DPP6: variants seen among roughly 807,000 people sequenced by gnomAD.
DPP6 encodes the protein A-type potassium channel modulatory protein DPP6.
DPP6 carries 69 observed loss-of-function variants against 122.6 expected under a neutral mutation model. The observed-to-expected ratio is 0.56, with a 90% confidence interval of 0.46 to 0.69. The LOEUF is 0.69. DPP6 is among the 30% of genes least tolerant of loss of function. The probability of loss-of-function intolerance (pLI) is 0.00; values close to 1 mark genes in which losing one functional copy is unlikely to be tolerated. For synonymous variants in DPP6, 418 were observed against 433.1 expected, an observed-to-expected ratio of 0.97 and a Z score of 0.43; for missense variants, 928 against 1,116.9, an observed-to-expected ratio of 0.83 and a Z score of 2.41.
intron 1 of DPP6, among the ~76,000 whole-genome samples, chr7:154,054,310 G>C (rs1800640534): frequency 6.6e-6 from 1 of 152,148 alleles, no homozygotes; most frequent in South Asian, 2.1e-4. Context: ...GTTGTGTTTG[G>C]GTCGAGGGAG....
intron 8 of DPP6, among the ~76,000 whole-genome samples, chr7:154,737,692 A>G (rs1024572235): frequency 9.2e-5 from 14 of 152,236 alleles, no homozygotes; most frequent in African/African-American, 2.4e-4. Context: ...AGTTGCATTA[A>G]TTTCTTGCCT....
chr7:154,066,311 T>G (rs564700685), intron 1 of DPP6, among the ~76,000 whole-genome samples: 16 of 152,294 alleles, frequency 1.1e-4, no homozygotes, highest in Middle Eastern at 3.4e-3. Flanking sequence ...CTGCCTGCCT[T>G]GGCCTCCCAA....
intron 1 of DPP6, among the ~76,000 whole-genome samples, chr7:154,258,068 T>C (rs73489328): frequency 0.15 from 22,256 of 151,056 alleles, 3,134 homozygotes; most frequent in African/African-American, 0.38. Context: ...AAATTACATA[T>C]ATTGTGGGGC....
intron 1 of DPP6, among the ~76,000 whole-genome samples, chr7:154,062,901 T>C (rs1168906332): frequency 7.7e-6 from 1 of 130,644 alleles, no homozygotes; most frequent in African/African-American, 2.8e-5. Flanking sequence ...CTAAGATCCT[T>C]AGGACCCACC....
chr7:154,082,172 T>C (rs1360504501), intron 1 of DPP6, among the ~76,000 whole-genome samples: 1 of 152,110 alleles, frequency 6.6e-6, no homozygotes, highest in Non-Finnish European at 1.5e-5. Flanking sequence ...TCACATAGCA[T>C]TTGGCCCTCG....
intron 2 of DPP6, among the ~76,000 whole-genome samples, chr7:154,474,565 T>A (rs1004870696): frequency 6.6e-6 from 1 of 152,246 alleles, no homozygotes; most frequent in Non-Finnish European, 1.5e-5. Flanking sequence ...TGCTTCATGA[T>A]TGACCAATTA....
At chr7:154,163,939 G>T (rs1453240712) in intron 1 of DPP6, among the ~76,000 whole-genome samples, 3 of 152,044 alleles carry the variant, frequency 2.0e-5, no homozygotes, top group Non-Finnish European at 4.4e-5. Flanking sequence ...GCTCAGGCCC[G>T]CTCTCTACTG....
At chr7:154,869,094 C>T (rs901636865) in intron 18 of DPP6, among the ~76,000 whole-genome samples, 5 of 152,140 alleles carry the variant, frequency 3.3e-5, no homozygotes, top group East Asian at 3.9e-4. Context: ...CGGCGGAAAG[C>T]GTGTTGAGGC....
chr7:154,346,375 C>T (rs1379802114), intron 1 of DPP6, among the ~76,000 whole-genome samples: 2 of 152,072 alleles, frequency 1.3e-5, no homozygotes, highest in South Asian at 2.1e-4. Flanking sequence ...GGCGCAATCT[C>T]GGCTCACTGC....
At chr7:153,988,185 C>G (rs753679654) in intron 1 of DPP6, among the ~76,000 whole-genome samples, 4 of 152,082 alleles carry the variant, frequency 2.6e-5, no homozygotes, top group African/African-American at 9.7e-5. Context: ...GGGAGGGCGT[C>G]GAGGGTGATG....
intron 1 of DPP6, among the ~76,000 whole-genome samples, chr7:154,221,825 G>A (rs537926337): frequency 1.4e-4 from 22 of 152,252 alleles, no homozygotes; most frequent in Non-Finnish European, 3.1e-4. Context: ...GAAGTGGGCC[G>A]AGGGCTTTTC....
chr7:154,704,571 A>T lies in DPP6; in HGVS notation c.763-23196A>T, dbSNP rs569168252. On this transcript the variant is annotated intron_variant, in intron 7 of 25. Coordinates refer to ENST00000377770, the MANE Select transcript of DPP6 (RefSeq NM_130797.4). The stretch of plus-strand genomic sequence containing the variant: ...GTCTTATTTTAAGAAATTACCAGTT[A>T]TCCCAACCTTCAGCAACCAGCCCCT... Among the ~76,000 whole-genome samples, 3 of 152,364 alleles carry T rather than the reference A, an allele frequency of 2.0e-5. No homozygotes were observed. The East Asian group carries it at 5.8e-4, about 29-fold the overall frequency.
At chr7:154,021,358 T>A (rs567096494) in intron 1 of DPP6, among the ~76,000 whole-genome samples, 3 of 152,100 alleles carry the variant, frequency 2.0e-5, no homozygotes, top group Non-Finnish European at 2.9e-5. Flanking sequence ...CATATGTAAG[T>A]TTCCCTGATG....
At chr7:154,813,659 A>G (rs1167655760) in intron 16 of DPP6, among the ~76,000 whole-genome samples, 1 of 152,070 alleles carries the variant, frequency 6.6e-6, no homozygotes. Flanking sequence ...TCTATGTAAT[A>G]CAGAGAGTTT....
chr7:154,218,975 A>G (rs975385496), intron 1 of DPP6, among the ~76,000 whole-genome samples: 1 of 150,754 alleles, frequency 6.6e-6, no homozygotes, highest in Non-Finnish European at 1.5e-5. Context: ...CATATTGAAG[A>G]TATATATACA....
chr7:154,003,346 AGACACTGAGTAT>A (rs2129046466), intron 1 of DPP6, among the ~76,000 whole-genome samples: 1 of 152,332 alleles, frequency 6.6e-6, no homozygotes, highest in South Asian at 2.1e-4. Context: ...AAACCTGTGT[AGACACTGAGTAT>A]GTTAGTTTGG....
At chr7:154,798,239 T>C (rs1034785529) in intron 12 of DPP6, among the ~76,000 whole-genome samples, 8 of 152,214 alleles carry the variant, frequency 5.3e-5, no homozygotes, top group Non-Finnish European at 1.2e-4. Context: ...GCCGTGGTTC[T>C]GTCCTCCAGC....
At chr7:154,860,219 C>G (rs1042677850) in intron 17 of DPP6, among the ~76,000 whole-genome samples, 1 of 152,164 alleles carries the variant, frequency 6.6e-6, no homozygotes, top group Non-Finnish European at 1.5e-5. Flanking sequence ...GGCACCCCCT[C>G]CTAGACTGTC....
intron 17 of DPP6, among the ~76,000 whole-genome samples, chr7:154,859,971 G>A (rs1451260077): frequency 6.6e-6 from 1 of 152,190 alleles, no homozygotes; most frequent in African/African-American, 2.4e-5. Flanking sequence ...CGGCCTGCAA[G>A]CGCATGTGGG....
Sources: gnomAD v4.1 joint callset for allele counts (sites outside exome capture counted in the v4.1 genomes callset) on GRCh38, gnomAD v4.1.1 for gene constraint, MANE v1.5 for transcripts, NCBI Gene and HGNC (gene_info 2026-07-23, HGNC 2026-07-21) for gene names.